Variants in CSMD3 observed in about 807,000 individuals in gnomAD.
CSMD3 encodes CUB and sushi domain-containing protein 3.
A neutral mutation model predicts 435.2 loss-of-function variants in CSMD3; 177 were observed. That is an observed-to-expected ratio of 0.41 (90% CI 0.36 to 0.46). The LOEUF is 0.46. Among genes scored for constraint, CSMD3 ranks in the 20% least tolerant of loss-of-function variants. The pLI, the probability that CSMD3 is intolerant of heterozygous loss-of-function variation, is 0.34. For missense variants in CSMD3, 4,265 were observed against 4,504.6 expected (o/e 0.95, Z 1.52); for synonymous variants, 1,656 against 1,520.5 (o/e 1.09, Z -2.07).
intron 38 of CSMD3, among the ~76,000 whole-genome samples, chr8:112,358,613 C>T (rs908985555): frequency 2.0e-5 from 3 of 152,106 alleles, no homozygotes; most frequent in Admixed American, 1.3e-4. Flanking sequence ...AGAGGAATTC[C>T]CCTGCACAAG....
chr8:112,785,796 A>G (rs1248454620), intron 13 of CSMD3, among the ~76,000 whole-genome samples: 2 of 152,126 alleles, frequency 1.3e-5, no homozygotes, highest in African/African-American at 4.8e-5. Context: ...AACAGGAAAA[A>G]AAGGAAAGAT....
At position 112,685,696 on chromosome 8, in the gene CSMD3, G is replaced by A. The variant is rs749445525; in HGVS notation, c.2192C>T (p.Thr731Ile). 3.7e-6 allele frequency: 6 copies of A among 1,612,880 alleles called. No individual in the cohort carries two copies. The highest frequency in any genetic ancestry group is 5.1e-6 in the Non-Finnish European group (6 of 1,179,144). The change falls in exon 15 of 71, where the codon ACA (threonine) becomes ATA (isoleucine). Residue 731 changes from threonine to isoleucine, a missense_variant. Around this residue, in one of 3 missense-constraint regions of CSMD3, gnomAD observed 279 missense variants for 369.0 expected, o/e 0.76. Transcript: ENST00000297405. The stretch of plus-strand genomic sequence containing the variant: ...TTCTGGGTAATCAGGAGAAAGAACT[G>A]TTCCCATTGGTGCAGTAAAGTTAGA... ...CLSNFTAPMG[T>I]VLSPDYPEGY...
At chr8:113,335,571 A>G (rs1446601106) in intron 1 of CSMD3, among the ~76,000 whole-genome samples, 1 of 9,572 alleles carries the variant, frequency 1.0e-4, no homozygotes, top group Non-Finnish European at 1.7e-4. Context: ...TTGGGTATTT[A>G]CATGAAACCT....
At chr8:112,934,646 C>T (rs2083221304) in intron 9 of CSMD3, among the ~76,000 whole-genome samples, 1 of 152,034 alleles carries the variant, frequency 6.6e-6, no homozygotes, top group Admixed American at 6.6e-5. Flanking sequence ...GTGCACAATG[C>T]TAAGTTTTTA....
At chr8:112,655,145 T>A (rs780097812) in intron 18 of CSMD3, among the ~76,000 whole-genome samples, 92 of 152,120 alleles carry the variant, frequency 6.0e-4, no homozygotes, top group Non-Finnish European at 1.2e-3. Context: ...ACAATTATTT[T>A]AAAAACCCAT....
chr8:113,063,037 T>C (rs1216981542), intron 5 of CSMD3, among the ~76,000 whole-genome samples: 1 of 151,654 alleles, frequency 6.6e-6, no homozygotes, highest in East Asian at 1.9e-4. Context: ...ATTTTGACTG[T>C]TTACATACAC....
chr8:112,376,230 A>T (rs1276792027), intron 38 of CSMD3, among the ~76,000 whole-genome samples: 1 of 151,952 alleles, frequency 6.6e-6, no homozygotes, highest in Non-Finnish European at 1.5e-5. Context: ...CTTCTACTAG[A>T]CTCTTCAAAG....
At chr8:113,001,175 T>C (rs2085849075) in intron 6 of CSMD3, among the ~76,000 whole-genome samples, 1 of 152,078 alleles carries the variant, frequency 6.6e-6, no homozygotes, top group Non-Finnish European at 1.5e-5. Flanking sequence ...ACATTCATTT[T>C]TGTCACACTA....
intron 13 of CSMD3, among the ~76,000 whole-genome samples, chr8:112,772,842 CT>C (rs1466106100): frequency 1.3e-5 from 2 of 151,992 alleles, no homozygotes; most frequent in African/African-American, 4.8e-5. Flanking sequence ...AAGCACAGCA[CT>C]TTTTTCTTTA....
chr8:112,687,847 A>G lies in CSMD3; in HGVS notation c.2155+2021T>C, dbSNP rs1018934245. 6.6e-5 allele frequency among the ~76,000 whole-genome samples: 10 copies of G among 152,230 alleles called. No individual in the cohort carries two copies. In the South Asian group the frequency reaches 1.2e-3, roughly 19 times the overall value. On this transcript the variant is annotated intron_variant, in intron 14 of 70. Coordinates refer to ENST00000297405, the MANE Select transcript of CSMD3 (RefSeq NM_198123.2). ...ACATCTTTTATTCTAGCTTATCTTG[A>G]AAAGTTAAGGCACCCCAGTTTCCTA...
chr8:112,881,522 C>T (rs2081448163), intron 10 of CSMD3, among the ~76,000 whole-genome samples: 1 of 151,856 alleles, frequency 6.6e-6, no homozygotes, highest in South Asian at 2.1e-4. Context: ...AGGTTGTAGC[C>T]CTTGGTATGA....
intron 23 of CSMD3, among the ~76,000 whole-genome samples, chr8:112,578,696 T>C (rs1303948749): frequency 6.6e-6 from 1 of 152,108 alleles, no homozygotes; most frequent in Non-Finnish European, 1.5e-5. Context: ...TGACAAACTT[T>C]TTCTAAGAAG....
At chr8:113,204,535 A>C (rs978408087) in intron 3 of CSMD3, among the ~76,000 whole-genome samples, 2 of 152,122 alleles carry the variant, frequency 1.3e-5, no homozygotes, top group South Asian at 4.1e-4. Flanking sequence ...GTATGCCTAA[A>C]TGTACTGGAT....
chr8:112,576,308 T>C (rs999152742), intron 23 of CSMD3, among the ~76,000 whole-genome samples: 2 of 152,060 alleles, frequency 1.3e-5, no homozygotes, highest in African/African-American at 4.8e-5. Flanking sequence ...AACTATTACT[T>C]GATACATATA....
chr8:112,715,046 C>T lies in CSMD3; in HGVS notation c.1973-24996G>A, dbSNP rs190956339. ...AAACAAGAGCAAATAAATCCAAAAGCCAGCAGAAGACAAAAAATAATTATT... is the reference window on the plus strand; with the variant it reads ...AAACAAGAGCAAATAAATCCAAAAGTCAGCAGAAGACAAAAAATAATTATT... On this transcript the variant is annotated intron_variant, in intron 13 of 70. Transcript: ENST00000297405. Among the ~76,000 whole-genome samples, 491 of 151,984 alleles carry T rather than the reference C, an allele frequency of 3.2e-3. 1 individual carries two copies. The highest frequency in any genetic ancestry group is 0.011 in the African/African-American group (464 of 41,434).
chr8:112,625,401 C>T (rs1482118564), intron 22 of CSMD3, among the ~76,000 whole-genome samples: 1 of 151,686 alleles, frequency 6.6e-6, no homozygotes, highest in Non-Finnish European at 1.5e-5. Flanking sequence ...TTTTTGAGGA[C>T]AAAAAAGGCT....
At position 112,292,520 on chromosome 8, in the gene CSMD3, T is replaced by C. The variant is rs571078845; in HGVS notation, c.8788+17A>G. ...TTATTATCATGCCACCAAATGGGAA[T>C]ATACTTAGACATTTACCTTTGCACA... On this transcript the variant is annotated intron_variant, in intron 55 of 70. Transcript: ENST00000297405. 90 of 1,612,304 alleles carry C rather than the reference T, an allele frequency of 5.6e-5. No individual in the cohort carries two copies. In the South Asian group the frequency reaches 9.2e-4, roughly 17 times the overall value.
intron 10 of CSMD3, among the ~76,000 whole-genome samples, chr8:112,899,309 C>G (rs1232146041): frequency 6.6e-6 from 1 of 150,574 alleles, no homozygotes; most frequent in Non-Finnish European, 1.5e-5. Context: ...TGGCTCTACC[C>G]TTATAGAAAT....
intron 18 of CSMD3, among the ~76,000 whole-genome samples, chr8:112,653,669 T>A (rs896100392): frequency 6.6e-6 from 1 of 150,708 alleles, no homozygotes; most frequent in Admixed American, 6.6e-5. Flanking sequence ...TCTTTTTTTT[T>A]TTTTTTTTGA....
Sources: gnomAD v4.1 joint callset for allele counts (sites outside exome capture counted in the v4.1 genomes callset) on GRCh38, gnomAD v4.1.1 for gene constraint, gnomAD v4.1.1 regional missense constraint, MANE v1.5 for transcripts, NCBI Gene and HGNC (gene_info 2026-07-23, HGNC 2026-07-21) for gene names.